The following CNTNAP2 variants were observed in gnomAD, a reference collection of about 807,000 sequenced individuals.
CNTNAP2 encodes contactin associated protein 2, also known as contactin-associated protein-like 2.
In CNTNAP2, 98 loss-of-function variants were observed where a neutral mutation model predicts 155.2. The observed-to-expected ratio is 0.63, with a 90% confidence interval of 0.54 to 0.75. The LOEUF (loss-of-function observed/expected upper bound fraction) is 0.75, where lower values mean the gene tolerates loss of function less well. CNTNAP2 is among the 30% of genes least tolerant of loss of function. The pLI, the probability that CNTNAP2 is intolerant of heterozygous loss-of-function variation, is 0.00. For missense variants in CNTNAP2, 1,727 were observed against 1,688.1 expected (o/e 1.02, Z -0.40); for synonymous variants, 651 against 631.2 (o/e 1.03, Z -0.47).
chr7:148,227,241 C>T (rs966238905), intron 19 of CNTNAP2, among the ~76,000 whole-genome samples: 5 of 152,130 alleles, frequency 3.3e-5, no homozygotes, highest in Non-Finnish European at 7.4e-5. Context: ...GGACAATTGC[C>T]TCTACTTCCC....
intron 1 of CNTNAP2, among the ~76,000 whole-genome samples, chr7:146,665,342 C>T (rs1800171700): frequency 6.6e-6 from 1 of 152,164 alleles, no homozygotes; most frequent in South Asian, 2.1e-4. Context: ...TACAAAGAAT[C>T]AGCTTTAAGT....
At chr7:147,301,823 G>C (rs1468728420) in intron 9 of CNTNAP2, among the ~76,000 whole-genome samples, 1 of 152,082 alleles carries the variant, frequency 6.6e-6, no homozygotes, top group Non-Finnish European at 1.5e-5. Flanking sequence ...GAATTGTCTA[G>C]AGAGGAAACA....
At position 147,253,786 on chromosome 7, in the gene CNTNAP2, C is replaced by T. The variant is rs976081051; in HGVS notation, c.1349-46355C>T. On this transcript the variant is annotated intron_variant, in intron 8 of 23. Transcript: ENST00000361727. ...AACAATCCTCAGGCTTCAGGCTGGA[C>T]GAGTGGTCTCTAGGTACCACTGTGT... Among the ~76,000 whole-genome samples, 11 of 152,160 alleles carry T rather than the reference C, an allele frequency of 7.2e-5. No homozygotes were observed. The South Asian group carries it at 1.2e-3, about 17-fold the overall frequency.
rs534276164 is a variant in CNTNAP2 at position 146,999,300 on chromosome 7, C to T, written c.403-44607C>T. Among the ~76,000 whole-genome samples, 4 of 149,928 alleles carry T rather than the reference C, an allele frequency of 2.7e-5. No individual in the cohort carries two copies. The South Asian group carries it at 6.3e-4, about 23-fold the overall frequency. On this transcript the variant is annotated intron_variant, in intron 3 of 23. Transcript: ENST00000361727. ...AAATGTTTACATTTTTACTCGACTC[C>T]TCCCTAACAGTTTGAATTTTTGATG... is the stretch of plus-strand genomic sequence containing the variant.
chr7:147,768,375 G>A (rs991547709), intron 13 of CNTNAP2, among the ~76,000 whole-genome samples: 3 of 152,078 alleles, frequency 2.0e-5, no homozygotes, highest in African/African-American at 7.2e-5. Context: ...AATGTATCAT[G>A]AGGCCAAACT....
chr7:148,033,812 G>A (rs752680461), intron 15 of CNTNAP2, among the ~76,000 whole-genome samples: 4 of 152,126 alleles, frequency 2.6e-5, no homozygotes, highest in Non-Finnish European at 5.9e-5. Context: ...GCTAAGGATG[G>A]TGGATTGCCC....
rs745449281 is a variant in CNTNAP2 at position 146,121,119 on chromosome 7, C to CTTTTTTTTTTTTTTTT, written c.97+4158_97+4173dup. Among the ~76,000 whole-genome samples the CTTTTTTTTTTTTTTTT allele has an allele frequency of 4.0e-4, 26 of 65,784 alleles. 1 individual carries two copies. The highest frequency in any genetic ancestry group is 8.0e-4 in the South Asian group (1 of 1,246). The allele number at this position is 65,784 out of a possible 152,430, so 43.2% of individuals were successfully genotyped here. ...TGTCTTAAAGTTTACATAAAGCTTC[C>CTTTTTTTTTTTTTTTT]TTTTTTTTTTTTTTTTTTTTTTTTT... On this transcript the variant is annotated intron_variant, in intron 1 of 23. Coordinates refer to ENST00000361727, the MANE Select transcript of CNTNAP2 (RefSeq NM_014141.6).
chr7:147,538,655 A>G (rs879343233), intron 11 of CNTNAP2, among the ~76,000 whole-genome samples: 1 of 152,136 alleles, frequency 6.6e-6, no homozygotes, highest in Non-Finnish European at 1.5e-5. Context: ...ATATATAAAA[A>G]AAAATCCCTC....
intron 1 of CNTNAP2, among the ~76,000 whole-genome samples, chr7:146,215,056 C>A (rs1799092479): frequency 6.6e-6 from 1 of 152,144 alleles, no homozygotes; most frequent in South Asian, 2.1e-4. Context: ...GACATCAAAT[C>A]AAATGACTCA....
intron 4 of CNTNAP2, among the ~76,000 whole-genome samples, chr7:147,083,571 T>C (rs1190264023): frequency 7.1e-6 from 1 of 140,638 alleles, no homozygotes; most frequent in African/African-American, 2.8e-5. Context: ...TATACACATA[T>C]ATATGTATAT....
At chr7:148,073,936 A>G (rs565476791) in intron 15 of CNTNAP2, among the ~76,000 whole-genome samples, 1 of 152,242 alleles carries the variant, frequency 6.6e-6, no homozygotes, top group East Asian at 1.9e-4. Context: ...TCCATACTTG[A>G]ATGTGCTCGG....
chr7:147,650,668 T>C (rs1158977201), intron 13 of CNTNAP2, among the ~76,000 whole-genome samples: 2 of 152,156 alleles, frequency 1.3e-5, no homozygotes, highest in African/African-American at 4.8e-5. Context: ...ATTGGCTGTT[T>C]ATGTTATCTG....
At chr7:147,005,154 C>T (rs1798502816) in intron 3 of CNTNAP2, among the ~76,000 whole-genome samples, 1 of 151,934 alleles carries the variant, frequency 6.6e-6, no homozygotes, top group African/African-American at 2.4e-5. Context: ...GATTCAAATA[C>T]TTGTTAAATC....
At chr7:147,887,773 A>G (rs1359998615) in intron 13 of CNTNAP2, among the ~76,000 whole-genome samples, 3 of 152,200 alleles carry the variant, frequency 2.0e-5, no homozygotes, top group Non-Finnish European at 4.4e-5. Context: ...AAAACTGAAA[A>G]TGGAAAAATC....
intron 13 of CNTNAP2, among the ~76,000 whole-genome samples, chr7:147,830,237 G>C (rs1249172547): frequency 6.6e-6 from 1 of 151,976 alleles, no homozygotes; most frequent in Non-Finnish European, 1.5e-5. Flanking sequence ...CTGGAGGCTG[G>C]GAAGTCCAAG....
chr7:146,926,381 T>C (rs1585161245), intron 3 of CNTNAP2, among the ~76,000 whole-genome samples: 1 of 152,218 alleles, frequency 6.6e-6, no homozygotes, highest in East Asian at 1.9e-4. Context: ...TGTAGAAAAA[T>C]TTCCTCTGAT....
At chr7:147,121,742 A>G (rs1267827182) in intron 6 of CNTNAP2, 2 of 152,510 alleles carry the variant, frequency 1.3e-5, no homozygotes, top group African/African-American at 4.8e-5. Context: ...GATTAAAAAT[A>G]ATCAATGATC....
At chr7:148,413,836 T>TAACA (rs60303143) in intron 23 of CNTNAP2, among the ~76,000 whole-genome samples, 84,897 of 151,266 alleles carry the variant, frequency 0.56, 24,293 homozygotes, top group South Asian at 0.64. Context: ...TCATTTCTAC[T>TAACA]AACAACCTTG....
At chr7:148,094,690 C>T (rs1803924128) in intron 15 of CNTNAP2, among the ~76,000 whole-genome samples, 5 of 152,148 alleles carry the variant, frequency 3.3e-5, no homozygotes, top group Admixed American at 3.3e-4. Context: ...CCTGAAGTTT[C>T]ATAATATGGA....
Sources: allele counts gnomAD v4.1 joint callset (sites outside exome capture counted in the v4.1 genomes callset), GRCh38; gene constraint gnomAD v4.1.1; transcripts MANE v1.5; gene names NCBI Gene and HGNC (gene_info 2026-07-23, HGNC 2026-07-21).